CRB1: variants seen among roughly 807,000 people sequenced by gnomAD.
CRB1 encodes the protein crumbs cell polarity complex component 1, also known as protein crumbs homolog 1.
A neutral mutation model predicts 120.0 loss-of-function variants in CRB1; 83 were observed. The observed-to-expected ratio is 0.69, with a 90% CI of 0.58 to 0.83. The LOEUF (loss-of-function observed/expected upper bound fraction) is 0.83. Among genes scored for constraint, CRB1 ranks in the 40% least tolerant of loss-of-function variants. The pLI is 0.00. For synonymous variants in CRB1, 625 were observed against 612.5 expected (o/e 1.02, Z -0.30); for missense variants, 1,699 against 1,687.6 (o/e 1.01, Z -0.12).
At chr1:197,309,650 A>C (rs1363412513) in intron 1 of CRB1, among the ~76,000 whole-genome samples, 1 of 151,968 alleles carries the variant, frequency 6.6e-6, no homozygotes, top group Non-Finnish European at 1.5e-5. Context: ...GCTATGCGGG[A>C]GGCTGAGGCA....
the CRB1 span, among the ~76,000 whole-genome samples, chr1:197,216,067 T>C: frequency 1.3e-5 from 2 of 152,180 alleles, no homozygotes; most frequent in Admixed American, 1.3e-4. Context: ...CAGCATGCTC[T>C]TTTGCCTCCC....
At chr1:197,272,949 G>A (rs1654988089) in intron 1 of CRB1, among the ~76,000 whole-genome samples, 1 of 152,152 alleles carries the variant, frequency 6.6e-6, no homozygotes, top group South Asian at 2.1e-4. Context: ...TTCAGACTCT[G>A]ACTCAACAAT....
At chr1:197,397,725 T>C (rs1014008503) in intron 5 of CRB1, among the ~76,000 whole-genome samples, 5 of 152,236 alleles carry the variant, frequency 3.3e-5, no homozygotes, top group South Asian at 4.1e-4. Flanking sequence ...CTATATATTG[T>C]ATGACTCCAT....
chr1:197,415,967 C>T (rs978923164), intron 5 of CRB1, among the ~76,000 whole-genome samples: 1 of 152,074 alleles, frequency 6.6e-6, no homozygotes, highest in African/African-American at 2.4e-5. Context: ...TCAACTTGAC[C>T]TATATTTGAA....
At chr1:197,409,935 C>T (rs1420012890) in intron 5 of CRB1, among the ~76,000 whole-genome samples, 1 of 152,182 alleles carries the variant, frequency 6.6e-6, no homozygotes, top group African/African-American at 2.4e-5. Context: ...AGGCGCCCGC[C>T]ACCATGCCCG....
the CRB1 span, among the ~76,000 whole-genome samples, chr1:197,214,330 G>A: frequency 3.9e-5 from 6 of 151,908 alleles, no homozygotes; most frequent in African/African-American, 1.2e-4. Flanking sequence ...TATACAGTCT[G>A]CCCTCCATAT....
the CRB1 span, chr1:197,222,194 C>T: frequency 4.6e-5 from 21 of 452,012 alleles, 1 homozygote; most frequent in South Asian, 3.8e-4. Context: ...CTCCTTGTTG[C>T]CCTGCACTGC....
chr1:197,214,666 CAAG>C, the CRB1 span, among the ~76,000 whole-genome samples: 2 of 151,634 alleles, frequency 1.3e-5, no homozygotes, highest in Non-Finnish European at 3.0e-5. Flanking sequence ...AATAAAAAAA[CAAG>C]GAGTTGAATT....
At chr1:197,475,215 A>C (rs1667149063) in intron 11 of CRB1, among the ~76,000 whole-genome samples, 1 of 152,176 alleles carries the variant, frequency 6.6e-6, no homozygotes. Context: ...ATATTCTTGA[A>C]TGTCTCCAAG....
intron 1 of CRB1, among the ~76,000 whole-genome samples, chr1:197,325,817 A>G (rs963195614): frequency 3.3e-5 from 5 of 152,166 alleles, no homozygotes; most frequent in Admixed American, 6.5e-5. Context: ...ATCTAGCTAA[A>G]TATGAGGCAT....
At chr1:197,303,618 C>A (rs1345837244) in intron 1 of CRB1, among the ~76,000 whole-genome samples, 3 of 151,510 alleles carry the variant, frequency 2.0e-5, no homozygotes, top group African/African-American at 7.3e-5. Context: ...GAAATTCAGA[C>A]CCTGAAAAAA....
intron 4 of CRB1, among the ~76,000 whole-genome samples, chr1:197,349,948 A>C (rs1345823119): frequency 6.6e-6 from 1 of 151,698 alleles, no homozygotes; most frequent in Non-Finnish European, 1.5e-5. Flanking sequence ...AAAATACAAA[A>C]AATTAGCCGG....
chr1:197,394,029 T>C (rs1266527236), intron 5 of CRB1, among the ~76,000 whole-genome samples: 1 of 152,082 alleles, frequency 6.6e-6, no homozygotes, highest in Non-Finnish European at 1.5e-5. Flanking sequence ...GCACTATATA[T>C]AGTTGACCCT....
chr1:197,466,851 G>A (rs932441571), intron 11 of CRB1, among the ~76,000 whole-genome samples: 39 of 152,310 alleles, frequency 2.6e-4, no homozygotes, highest in Non-Finnish European at 4.7e-4. Flanking sequence ...GCCAAGGTAC[G>A]GCTTATAGGT....
intron 2 of CRB1, among the ~76,000 whole-genome samples, chr1:197,337,829 G>A (rs1012241368): frequency 1.3e-5 from 2 of 152,002 alleles, no homozygotes; most frequent in Non-Finnish European, 2.9e-5. Flanking sequence ...TTTAATATGT[G>A]TAGGCAAGAA....
At position 197,435,478 on chromosome 1, in the gene CRB1, A is replaced by G; in HGVS notation, c.3615A>G (p.Gly1205=). 6.2e-7 allele frequency: 1 copy of G among 1,603,150 alleles called. No homozygotes were observed. The change falls in exon 9 of 12, where the codon GGA becomes GGG. Residue 1205 remains glycine, a synonymous_variant. Transcript: ENST00000367400. ...VAAYHCTCEP[G]YTGVNCEVDI... The stretch of plus-strand genomic sequence containing the variant: ...CCTACCACTGCACATGTGAGCCTGG[A>G]TACACTGGTGTGAACTGTGAAGTGG...
At chr1:197,243,954 T>C in the CRB1 span, among the ~76,000 whole-genome samples, 1 of 152,174 alleles carries the variant, frequency 6.6e-6, no homozygotes, top group East Asian at 1.9e-4. Flanking sequence ...TTTTGATCTT[T>C]GTGGTTTAAA....
chr1:197,433,023 A>G (rs1266013591), intron 8 of CRB1, among the ~76,000 whole-genome samples: 4 of 150,722 alleles, frequency 2.7e-5, no homozygotes, highest in African/African-American at 4.9e-5. Flanking sequence ...GATCATGTAG[A>G]TGCTTTTTTT....
At chr1:197,340,658 A>G (rs965485243) in intron 2 of CRB1, among the ~76,000 whole-genome samples, 2 of 152,156 alleles carry the variant, frequency 1.3e-5, no homozygotes, top group Non-Finnish European at 2.9e-5. Flanking sequence ...TAATTAGGAC[A>G]CGGGGAATAG....
Sources: allele counts gnomAD v4.1 joint callset (sites outside exome capture counted in the v4.1 genomes callset), GRCh38; gene constraint gnomAD v4.1.1; transcripts MANE v1.5; gene names NCBI Gene and HGNC (gene_info 2026-07-23, HGNC 2026-07-21).